Variants in GRIN2B observed in about 807,000 individuals in gnomAD.
GRIN2B encodes the protein glutamate ionotropic receptor NMDA type subunit 2B.
Under a neutral mutation model 114.5 loss-of-function variants are expected in GRIN2B, and 5 were observed. The ratio of observed to expected loss-of-function variants is 0.04; its 90% CI spans 0.02 to 0.09. GRIN2B has a LOEUF of 0.09. GRIN2B is among the 10% of genes least tolerant of loss of function. The pLI, the probability that GRIN2B is intolerant of heterozygous loss-of-function variation, is 1.00. For missense variants in GRIN2B, 1,108 were observed against 1,943.5 expected (o/e 0.57, Z 8.08); for synonymous variants, 787 against 745.1 (o/e 1.06, Z -0.92).
At chr12:13,864,760 G>A (rs1298950297) in intron 3 of GRIN2B, among the ~76,000 whole-genome samples, 3 of 152,166 alleles carry the variant, frequency 2.0e-5, no homozygotes, top group African/African-American at 4.8e-5. Flanking sequence ...TAACATTAAC[G>A]CAGGAGAGGC....
chr12:13,649,161 T>C (rs545257343), intron 5 of GRIN2B, among the ~76,000 whole-genome samples: 1 of 152,020 alleles, frequency 6.6e-6, no homozygotes, highest in Non-Finnish European at 1.5e-5. Flanking sequence ...AGCAAGATAA[T>C]GTATGTGAAG....
chr12:13,640,726 T>C (rs1949707343), intron 5 of GRIN2B, among the ~76,000 whole-genome samples: 1 of 152,154 alleles, frequency 6.6e-6, no homozygotes, highest in Non-Finnish European at 1.5e-5. Context: ...CTATTATGAA[T>C]GAGAAGCTTA....
intron 3 of GRIN2B, among the ~76,000 whole-genome samples, chr12:13,791,865 C>T (rs1211558564): frequency 6.6e-6 from 1 of 152,054 alleles, no homozygotes. Flanking sequence ...TAGTGTTAAC[C>T]GTAGTCACCC....
intron 2 of GRIN2B, among the ~76,000 whole-genome samples, chr12:13,875,425 G>A: frequency 6.6e-6 from 1 of 152,188 alleles, no homozygotes; most frequent in East Asian, 1.9e-4. Context: ...TACTTGGGAG[G>A]CTGAGGCAGG....
rs1349430251 is a variant in GRIN2B at position 13,549,830 on chromosome 12, CTTT to C, written c.*12950_*12952del. On this transcript the variant is annotated 3_prime_UTR_variant, in exon 14 of 14. Coordinates refer to ENST00000609686, the MANE Select transcript of GRIN2B (RefSeq NM_000834.5). ...TTCAAATTTTTGCTTTCTTCTTGCT[CTTT>C]TTGACTTGTCTCTGTAGATGTATGT... 1 of 152,162 alleles carries C rather than the reference CTTT, an allele frequency of 6.6e-6. No homozygotes were observed. The highest frequency in any genetic ancestry group is 1.5e-5 in the Non-Finnish European group (1 of 68,012). The allele number at this position is 152,162 out of a possible 1,614,324, so 9.4% of individuals were successfully genotyped here.
chr12:13,763,617 C>T (rs1863722693), intron 3 of GRIN2B, among the ~76,000 whole-genome samples: 1 of 152,102 alleles, frequency 6.6e-6, no homozygotes, highest in African/African-American at 2.4e-5. Flanking sequence ...ATCTGTGTTG[C>T]CTTTTTCCAT....
intron 2 of GRIN2B, among the ~76,000 whole-genome samples, chr12:13,896,665 C>T (rs188350681): frequency 4.6e-5 from 7 of 152,206 alleles, no homozygotes; most frequent in African/African-American, 1.7e-4. Flanking sequence ...CAGTAAAGTC[C>T]TTGAAAAAGA....
At chr12:13,792,849 C>T (rs1864344047) in intron 3 of GRIN2B, among the ~76,000 whole-genome samples, 2 of 152,194 alleles carry the variant, frequency 1.3e-5, no homozygotes, top group South Asian at 4.1e-4. Flanking sequence ...GCAGATATTG[C>T]ACCTGAACTG....
At chr12:13,875,966 C>T (rs1865985726) in intron 2 of GRIN2B, among the ~76,000 whole-genome samples, 1 of 152,134 alleles carries the variant, frequency 6.6e-6, no homozygotes, top group African/African-American at 2.4e-5. Flanking sequence ...GACAAATAAA[C>T]AGGAAATTAC....
chr12:13,564,761 G>C lies in GRIN2B; in HGVS notation c.2599-122C>G, dbSNP rs956633156. 6.6e-6 allele frequency: 6 copies of C among 909,492 alleles called. No homozygotes were observed. The highest frequency in any genetic ancestry group is 3.2e-5 in the African/African-American group (2 of 61,606). The allele number at this position is 909,492 out of a possible 1,614,324, so 56.3% of individuals were successfully genotyped here. A position where few individuals can be genotyped will look rare whatever the true frequency, so the allele number is the denominator to read the frequency against. On this transcript the variant is annotated intron_variant, in intron 13 of 13. Transcript: ENST00000609686. This position sits in a 1 kb window ranked among gnomAD's most constrained non-coding sequence, Gnocchi z 4.8. Reference sequence around the variant, plus strand: ...AAAAAGGGAAAGCATGAAGCGAATAGTCTAATATACTATTAGATGTGGCTA... The same window carrying C: ...AAAAAGGGAAAGCATGAAGCGAATACTCTAATATACTATTAGATGTGGCTA...
chr12:13,716,181 A>C lies in GRIN2B; in HGVS notation c.1010+37136T>G, dbSNP rs150018210. 3.2e-3 allele frequency among the ~76,000 whole-genome samples: 488 copies of C among 152,030 alleles called. 5 individuals are homozygous for C. The highest frequency in any genetic ancestry group is 0.011 in the African/African-American group (460 of 41,540). On this transcript the variant is annotated intron_variant, in intron 4 of 13. Transcript: ENST00000609686. ...ATACCTCTGTATCTACAACAAACTT[A>C]ATAGTAAGTTCTGCATAAAACAGCC...
chr12:13,956,184 A>C (rs1195068357), intron 2 of GRIN2B, among the ~76,000 whole-genome samples: 1 of 152,198 alleles, frequency 6.6e-6, no homozygotes, highest in Non-Finnish European at 1.5e-5. Context: ...TAAGTGTGTC[A>C]AGTGTGCACT....
At chr12:13,573,155 T>C (rs184189305) in intron 10 of GRIN2B, among the ~76,000 whole-genome samples, 2 of 149,560 alleles carry the variant, frequency 1.3e-5, no homozygotes, top group East Asian at 1.9e-4. Context: ...ATATAATGCA[T>C]AAGAAGTGCT....
At chr12:13,908,232 A>G (rs981375461) in intron 2 of GRIN2B, among the ~76,000 whole-genome samples, 2 of 151,948 alleles carry the variant, frequency 1.3e-5, no homozygotes, top group Admixed American at 6.5e-5. Context: ...AATGAACTAC[A>G]TATTTGAAAA....
At chr12:13,785,775 CA>C (rs1433864062) in intron 3 of GRIN2B, among the ~76,000 whole-genome samples, 1 of 152,120 alleles carries the variant, frequency 6.6e-6, no homozygotes, top group Non-Finnish European at 1.5e-5. Context: ...CAACAGATAA[CA>C]AAATAGTTAT....
At chr12:13,718,857 G>C (rs1476998409) in intron 4 of GRIN2B, among the ~76,000 whole-genome samples, 1 of 152,050 alleles carries the variant, frequency 6.6e-6, no homozygotes, top group Non-Finnish European at 1.5e-5. Context: ...GAGAAGATAT[G>C]CATCAATGAG....
At chr12:13,840,267 A>G (rs1403324908) in intron 3 of GRIN2B, among the ~76,000 whole-genome samples, 1 of 152,174 alleles carries the variant, frequency 6.6e-6, no homozygotes, top group Non-Finnish European at 1.5e-5. Flanking sequence ...AGAAACATGG[A>G]GCTGGAAAGG....
At chr12:13,791,203 C>CT (rs1864313240) in intron 3 of GRIN2B, among the ~76,000 whole-genome samples, 1 of 152,258 alleles carries the variant, frequency 6.6e-6, no homozygotes, top group African/African-American at 2.4e-5. Flanking sequence ...GTGGCTCACA[C>CT]TTGTAATCCC....
chr12:13,563,057 T>C lies in GRIN2B; in HGVS notation c.4181A>G (p.Asp1394Gly). The C allele has an allele frequency of 6.2e-7, 1 of 1,614,138 alleles. No individual in the cohort carries two copies. The highest frequency in any genetic ancestry group is 8.5e-7 in the Non-Finnish European group (1 of 1,180,012). ...TTTGCTGCCATGGAGCAAGCACTGG[T>C]CGTCCCCAAAAGTGGGGATGAAAGG... is the stretch of plus-strand genomic sequence containing the variant. ...QNPFIPTFGDDQCLLHGSKSY... is the reference protein window; with the variant it reads ...QNPFIPTFGDGQCLLHGSKSY... The change falls in exon 14 of 14, where the codon GAC becomes GGC. Residue 1394 changes from aspartate (D) to glycine (G), a missense_variant. Asp to Gly is a moderately conservative substitution (Grantham distance 94, BLOSUM62 -1). Coordinates refer to ENST00000609686, the MANE Select transcript of GRIN2B (RefSeq NM_000834.5).
Sources: allele counts gnomAD v4.1 joint callset (sites outside exome capture counted in the v4.1 genomes callset), GRCh38; gene constraint gnomAD v4.1.1; non-coding constraint Gnocchi (gnomAD v3.1); transcripts MANE v1.5; gene names NCBI Gene and HGNC (gene_info 2026-07-23, HGNC 2026-07-21).